Variants in GIPC2 observed in about 807,000 individuals in gnomAD.
GIPC2 encodes PDZ domain-containing protein GIPC2.
Under a neutral mutation model 30.6 loss-of-function variants are expected in GIPC2, and 30 were observed. The ratio of observed to expected loss-of-function variants is 0.98; its 90% CI spans 0.73 to 1.33. The LOEUF (loss-of-function observed/expected upper bound fraction) is 1.33, where lower values mean the gene tolerates loss of function less well. Among genes scored for constraint, GIPC2 ranks in the 40% most tolerant of loss-of-function variants. The probability of loss-of-function intolerance (pLI) is 0.00; values close to 1 mark genes in which losing one functional copy is unlikely to be tolerated. For synonymous variants in GIPC2, 167 were observed against 150.0 expected (o/e 1.11, Z -0.83); for missense variants, 414 against 390.3 (o/e 1.06, Z -0.51).
chr1:78,089,430 A>G (rs567779879), intron 2 of GIPC2, among the ~76,000 whole-genome samples: 2 of 152,348 alleles, frequency 1.3e-5, no homozygotes, highest in South Asian at 4.1e-4. Flanking sequence ...TATTAGTTCT[A>G]ACAATAAACT....
Position 78,095,145 on chromosome 1 carries a change from T to G in GIPC2, c.607+13T>G, listed in dbSNP as rs200834755. On this transcript the variant is annotated intron_variant, in intron 3 of 5. Coordinates refer to ENST00000370759, the MANE Select transcript of GIPC2 (RefSeq NM_017655.6). ...AAGAAGGCATTTGGTAAGTCAGGGG[T>G]TGGTGGGCGGGTGTGTGAAATGTTT... 221 of 1,596,196 alleles carry G rather than the reference T, an allele frequency of 1.4e-4. No homozygotes were observed. In the African/African-American group the frequency reaches 2.6e-3, roughly 19 times the overall value.
chr1:78,071,860 T>C (rs1243634439), intron 1 of GIPC2, among the ~76,000 whole-genome samples: 6 of 152,160 alleles, frequency 3.9e-5, no homozygotes, highest in Non-Finnish European at 8.8e-5. Flanking sequence ...ACTTAACATG[T>C]CTGAGCTGGT....
In GIPC2 at chr1:78,103,382, C is replaced by T. The variant is rs761656583; in HGVS notation, c.607+8250C>T. On this transcript the variant is annotated intron_variant, in intron 3 of 5. Coordinates refer to ENST00000370759, the MANE Select transcript of GIPC2 (RefSeq NM_017655.6). ...GGGTGTTATTTAACCCCTCTATAAG[C>T]CTGTTTACTTACCCATAAAGTATTT... Among the ~76,000 whole-genome samples, 55 of 152,112 alleles carry T rather than the reference C, an allele frequency of 3.6e-4. 1 individual carries two copies. Among genetic ancestry groups the T allele is most frequent in the Non-Finnish European group, 2.2e-4 (15 of 68,022 alleles).
chr1:78,046,299 C>G lies in GIPC2; in HGVS notation c.205C>G (p.Gln69Glu). 6.2e-7 allele frequency: 1 copy of G among 1,611,770 alleles called. No individual in the cohort carries two copies. Among genetic ancestry groups the G allele is most frequent in the Non-Finnish European group, 8.5e-7 (1 of 1,179,544 alleles). Residue 69 changes from glutamine (Q) to glutamate (E), a missense_variant, in exon 1 of 6, where the codon CAG becomes GAG. Coordinates refer to ENST00000370759, the MANE Select transcript of GIPC2 (RefSeq NM_017655.6). ...CTCCAGCATCCAGGAGCTCTACGCC[C>G]AGATCGCGGGCGCGTTTGAAATCTC... ...GFSSIQELYA[Q>E]IAGAFEISPS...
intron 2 of GIPC2, among the ~76,000 whole-genome samples, chr1:78,090,217 C>T (rs1393817696): frequency 6.6e-5 from 10 of 152,108 alleles, no homozygotes; most frequent in South Asian, 2.1e-4. Flanking sequence ...TTTATTGAGA[C>T]GGAGTCTCAC....
At chr1:78,088,560 T>C (rs986053617) in intron 2 of GIPC2, among the ~76,000 whole-genome samples, 1 of 152,158 alleles carries the variant, frequency 6.6e-6, no homozygotes, top group African/African-American at 2.4e-5. Context: ...TGAGAACTTA[T>C]GAACACAAAG....
At chr1:78,108,053 G>A (rs1284749718) in intron 3 of GIPC2, among the ~76,000 whole-genome samples, 2 of 152,052 alleles carry the variant, frequency 1.3e-5, no homozygotes, top group African/African-American at 4.8e-5. Flanking sequence ...GTAAAGTCTA[G>A]GGGGAAGGTC....
chr1:78,069,664 G>C (rs1661581946), intron 1 of GIPC2, among the ~76,000 whole-genome samples: 1 of 151,744 alleles, frequency 6.6e-6, no homozygotes, highest in South Asian at 2.1e-4. Flanking sequence ...AGTAGACACG[G>C]GCTTTCACCA....
At chr1:78,079,145 G>A (rs1186698428) in intron 1 of GIPC2, among the ~76,000 whole-genome samples, 2 of 152,204 alleles carry the variant, frequency 1.3e-5, no homozygotes, top group South Asian at 4.1e-4. Context: ...TGCCCTTGCC[G>A]GGAACATAAA....
In GIPC2 at chr1:78,137,875, A is replaced by C. The variant is rs1469767282; in HGVS notation, c.*2132A>C. The C allele has an allele frequency of 6.6e-6, 1 of 152,154 alleles. No individual in the cohort carries two copies. The highest frequency in any genetic ancestry group is 2.4e-5 in the African/African-American group (1 of 41,422). The allele number at this position is 152,154 out of a possible 1,614,324, so 9.4% of individuals were successfully genotyped here. A position where few individuals can be genotyped will look rare whatever the true frequency, so the allele number is the denominator to read the frequency against. On this transcript the variant is annotated 3_prime_UTR_variant, in exon 6 of 6. Transcript: ENST00000370759. ...AAAAGCGTCTGTTTTTAGTGCAGTC[A>C]CATAATATATAAGTGTGGGATACCC...
chr1:78,051,944 C>T (rs1303418820), intron 1 of GIPC2, among the ~76,000 whole-genome samples: 1 of 152,182 alleles, frequency 6.6e-6, no homozygotes, highest in Non-Finnish European at 1.5e-5. Context: ...AAGTTGCTGT[C>T]TCTGAGATAC....
chr1:78,128,569 CTG>C (rs1662828292), intron 5 of GIPC2, among the ~76,000 whole-genome samples: 1 of 152,162 alleles, frequency 6.6e-6, no homozygotes, highest in Admixed American at 6.5e-5. Flanking sequence ...ACAGTCTAGA[CTG>C]TGGGCCATTC....
intron 1 of GIPC2, among the ~76,000 whole-genome samples, chr1:78,078,850 A>AC (rs1476299091): frequency 6.6e-5 from 10 of 151,678 alleles, no homozygotes; most frequent in South Asian, 6.2e-4. Flanking sequence ...AAAAAAAAAA[A>AC]AAAAAACAAC....
At chr1:78,135,173 A>G (rs1557555187) in intron 5 of GIPC2, among the ~76,000 whole-genome samples, 2 of 152,124 alleles carry the variant, frequency 1.3e-5, no homozygotes, top group Non-Finnish European at 2.9e-5. Flanking sequence ...CTCAGTTGGC[A>G]GTGGGGGACT....
chr1:78,123,132 C>A (rs1170625892), intron 4 of GIPC2, among the ~76,000 whole-genome samples: 1 of 151,862 alleles, frequency 6.6e-6, no homozygotes, highest in Non-Finnish European at 1.5e-5. Flanking sequence ...TGGTGCTGGG[C>A]ACCTGTAATC....
intron 3 of GIPC2, among the ~76,000 whole-genome samples, chr1:78,107,082 C>T (rs112453450): frequency 7.4e-6 from 1 of 134,638 alleles, no homozygotes; most frequent in African/African-American, 2.7e-5. Context: ...CCCTCTCTTT[C>T]TCCCTCCCTC....
intron 1 of GIPC2, among the ~76,000 whole-genome samples, chr1:78,059,653 G>A (rs746382025): frequency 2.0e-5 from 3 of 152,050 alleles, no homozygotes; most frequent in African/African-American, 4.8e-5. Flanking sequence ...TTGAAGCTTG[G>A]ATAGGACTCG....
intron 2 of GIPC2, chr1:78,094,700 T>C: frequency 3.8e-6 from 1 of 261,532 alleles, no homozygotes; most frequent in Non-Finnish European, 7.3e-6. Flanking sequence ...GGTTCTTGGT[T>C]GCTCAGTCTT....
intron 1 of GIPC2, among the ~76,000 whole-genome samples, chr1:78,077,554 T>C (rs941084129): frequency 1.3e-5 from 2 of 152,218 alleles, no homozygotes; most frequent in East Asian, 3.8e-4. Flanking sequence ...TTATATCTAC[T>C]GAATCAGTCA....
Sources: allele counts gnomAD v4.1 joint callset (sites outside exome capture counted in the v4.1 genomes callset), GRCh38; gene constraint gnomAD v4.1.1; transcripts MANE v1.5; gene names NCBI Gene and HGNC (gene_info 2026-07-23, HGNC 2026-07-21).